PCDHGA1: variants seen among roughly 807,000 people sequenced by gnomAD.
The protein encoded by PCDHGA1 is protocadherin gamma-A1.
A neutral mutation model predicts 58.0 loss-of-function variants in PCDHGA1; 32 were observed. The observed-to-expected ratio is 0.55, with a 90% CI of 0.42 to 0.74. The LOEUF (loss-of-function observed/expected upper bound fraction) is 0.74. PCDHGA1 is among the 30% of genes least tolerant of loss of function. The pLI, the probability that PCDHGA1 is intolerant of heterozygous loss-of-function variation, is 0.00. For synonymous variants in PCDHGA1, 498 were observed against 501.1 expected, an observed-to-expected ratio of 0.99 and a Z score of 0.08; for missense variants, 1,205 against 1,182.3, an observed-to-expected ratio of 1.02 and a Z score of -0.28.
At chr5:141,353,268 T>C (rs1759232072) in intron 1 of PCDHGA1, among the ~76,000 whole-genome samples, 1 of 152,236 alleles carries the variant, frequency 6.6e-6, no homozygotes, top group Non-Finnish European at 1.5e-5. Flanking sequence ...TGCAATACTA[T>C]ATTTTCAAGT....
chr5:141,512,942 C>T lies in PCDHGA1; in HGVS notation c.*1769C>T, dbSNP rs1596321854. 3.3e-5 allele frequency: 5 copies of T among 151,644 alleles called. No individual in the cohort carries two copies. The South Asian group carries it at 1.0e-3, about 32-fold the overall frequency. The allele number at this position is 151,644 out of a possible 1,614,324, so 9.4% of individuals were successfully genotyped here. On this transcript the variant is annotated 3_prime_UTR_variant, in exon 4 of 4. Transcript: ENST00000517417. Reference sequence around the variant, plus strand: ...TAATATTTATATGGCTTTTTTTCTTCGACAAAAAAATAATAAAACGTTTCT... The same window carrying T: ...TAATATTTATATGGCTTTTTTTCTTTGACAAAAAAATAATAAAACGTTTCT...
chr5:141,362,282 G>C lies in PCDHGA1; in HGVS notation c.2421+29177G>C, dbSNP rs750712376. The C allele has an allele frequency of 2.5e-6, 4 of 1,613,920 alleles. No homozygotes were observed. In the East Asian group the frequency reaches 8.9e-5, roughly 36 times the overall value. ...ATTCTGGCAATCTCCCTGCGCCTGC[G>C]ACTCTCTTCCAGGTCAGATGCTTGG... On this transcript the variant is annotated intron_variant, in intron 1 of 3. Transcript: ENST00000517417.
At chr5:141,340,334 A>C in intron 1 of PCDHGA1, 1 of 1,614,060 alleles carries the variant, frequency 6.2e-7, no homozygotes, top group Non-Finnish European at 8.5e-7. Flanking sequence ...CTTCTCCCGC[A>C]CATCCTACTC....
At chr5:141,422,038 G>A (rs949164524) in intron 1 of PCDHGA1, 9 of 1,611,746 alleles carry the variant, frequency 5.6e-6, no homozygotes, top group Non-Finnish European at 7.6e-6. Context: ...AACGGATCCA[G>A]ACGAGGGAAT....
At chr5:141,359,259 T>C (rs1761158931) in intron 1 of PCDHGA1, among the ~76,000 whole-genome samples, 1 of 152,094 alleles carries the variant, frequency 6.6e-6, no homozygotes, top group African/African-American at 2.4e-5. Flanking sequence ...CCATAAAATA[T>C]AATTTGGAAA....
rs151119016 is a variant in PCDHGA1, at chr5:141,489,949, G to C, written c.2422-4858G>C. On this transcript the variant is annotated intron_variant, in intron 1 of 3. Transcript: ENST00000517417. The surrounding 1 kb of genome is among the most constrained non-coding windows in gnomAD (Gnocchi z 4.5). ...CTCTGTCATCGTGCTGGACATCAAT[G>C]ATAATGCTCCAACCTTCCAATCCTC... is the stretch of plus-strand genomic sequence containing the variant. 1 of 1,614,198 alleles carries C rather than the reference G, an allele frequency of 6.2e-7. No individual in the cohort carries two copies. Among genetic ancestry groups the C allele is most frequent in the Non-Finnish European group, 8.5e-7 (1 of 1,180,028 alleles).
intron 2 of PCDHGA1, among the ~76,000 whole-genome samples, chr5:141,500,184 T>TTTTATTTATTTATTTA (rs58019021): frequency 1.5e-5 from 2 of 135,886 alleles, no homozygotes; most frequent in African/African-American, 5.4e-5. Flanking sequence ...TCATTTTTAT[T>TTTTATTTATTTATTTA]TTTATTTATT....
intron 1 of PCDHGA1, chr5:141,421,165 T>C: frequency 7.7e-7 from 1 of 1,297,018 alleles, no homozygotes; most frequent in Non-Finnish European, 1.0e-6. Flanking sequence ...ACTTCATAGA[T>C]ACATAAGCCG....
Position 141,375,262 on chromosome 5 carries a change from A to C in PCDHGA1, c.2421+42157A>C, listed in dbSNP as rs781354981. The C allele has an allele frequency of 3.1e-6, 5 of 1,613,914 alleles. No individual in the cohort carries two copies. In the South Asian group the frequency reaches 5.5e-5, roughly 18 times the overall value. On this transcript the variant is annotated intron_variant, in intron 1 of 3. Coordinates refer to ENST00000517417, the MANE Select transcript of PCDHGA1 (RefSeq NM_018912.3). Reference sequence around the variant, plus strand: ...CCATCCCGAGAAGTCTCCCATTTGAATTGGAAAAATCAGTTGGCAATTATT... The same window carrying C: ...CCATCCCGAGAAGTCTCCCATTTGACTTGGAAAAATCAGTTGGCAATTATT...
At position 141,489,783 on chromosome 5, in the gene PCDHGA1, T is replaced by C; in HGVS notation, c.2422-5024T>C. The C allele has an allele frequency of 6.2e-7, 1 of 1,614,164 alleles. No individual in the cohort carries two copies. On this transcript the variant is annotated intron_variant, in intron 1 of 3. Transcript: ENST00000517417. The surrounding 1 kb of genome is among the most constrained non-coding windows in gnomAD (Gnocchi z 4.5). ...GCCCCAACAGCCACTTCTCTCTGAA[T>C]GTGAAGACCCTAAAAGATGGGAAGC... is the stretch of plus-strand genomic sequence containing the variant.
rs1340590903 is a variant in PCDHGA1, at chr5:141,432,842, G to A, written c.2422-61965G>A. On this transcript the variant is annotated intron_variant, in intron 1 of 3. Coordinates refer to ENST00000517417, the MANE Select transcript of PCDHGA1 (RefSeq NM_018912.3). This position sits in a 1 kb window ranked among gnomAD's most constrained non-coding sequence, Gnocchi z 6.0. ...CTCAGACCTCACTCTGTACCTGGTG[G>A]TAGCGGTGGCCGCGGTCTCCTGCGT... 5 of 1,614,192 alleles carry A rather than the reference G, an allele frequency of 3.1e-6. No individual in the cohort carries two copies. The South Asian group carries it at 4.4e-5, about 14-fold the overall frequency.
chr5:141,378,181 C>G (rs183481155), intron 1 of PCDHGA1: 2 of 152,302 alleles, frequency 1.3e-5, no homozygotes, highest in Admixed American at 6.5e-5. Flanking sequence ...AGCACCGATG[C>G]TGTGTGCCTA....
intron 1 of PCDHGA1, chr5:141,427,328 T>G (rs951396612): frequency 1.6e-4 from 74 of 457,122 alleles, no homozygotes; most frequent in Admixed American, 1.2e-3. Context: ...TGGTTTTTAC[T>G]TCAGTGTCCA....
Position 141,490,202 on chromosome 5 carries a change from G to A in PCDHGA1, c.2422-4605G>A, listed in dbSNP as rs1594889134. On this transcript the variant is annotated intron_variant, in intron 1 of 3. Coordinates refer to ENST00000517417, the MANE Select transcript of PCDHGA1 (RefSeq NM_018912.3). The surrounding 1 kb of genome is among the most constrained non-coding windows in gnomAD (Gnocchi z 5.4). ...TCACGTTTCTATGAAATTCATGCAA[G>A]AGCCCGTGACCAGGGACAGCCTGCC... 1.2e-6 allele frequency: 2 copies of A among 1,614,220 alleles called. No homozygotes were observed. The highest frequency in any genetic ancestry group is 2.7e-5 in the African/African-American group (2 of 75,060).
At chr5:141,365,475 T>TG in intron 1 of PCDHGA1, 2 of 1,613,978 alleles carry the variant, frequency 1.2e-6, no homozygotes, top group Non-Finnish European at 8.5e-7. Context: ...AATGGTGAGA[T>TG]TGCATGCTCT....
chr5:141,398,803 A>C (rs551301850), intron 1 of PCDHGA1: 2 of 1,613,960 alleles, frequency 1.2e-6, no homozygotes, highest in African/African-American at 2.7e-5. Context: ...AAGCGGCACC[A>C]CTGAGCTCCG....
chr5:141,476,049 C>T lies in PCDHGA1; in HGVS notation c.2422-18758C>T. 2.0e-6 allele frequency: 3 copies of T among 1,501,848 alleles called. No homozygotes were observed. The South Asian group carries it at 4.0e-5, about 20-fold the overall frequency. 93.0% of individuals were successfully genotyped at this position (1,501,848 alleles called of 1,614,324 possible). ...CGCCCAGCGCCCAAGCGCTAACCCG[C>T]TGAAAGTTTCTCAGCGAAATCTCAG... On this transcript the variant is annotated intron_variant, in intron 1 of 3. Coordinates refer to ENST00000517417, the MANE Select transcript of PCDHGA1 (RefSeq NM_018912.3). This position sits in a 1 kb window ranked among gnomAD's most constrained non-coding sequence, Gnocchi z 7.6.
At chr5:141,363,192 A>T (rs1762836120) in intron 1 of PCDHGA1, among the ~76,000 whole-genome samples, 1 of 152,264 alleles carries the variant, frequency 6.6e-6, no homozygotes, top group Non-Finnish European at 1.5e-5. Context: ...ATTGCTCTTA[A>T]GAAAAACTAC....
chr5:141,388,662 A>G, intron 1 of PCDHGA1: 1 of 1,613,954 alleles, frequency 6.2e-7, no homozygotes, highest in African/African-American at 1.3e-5. Flanking sequence ...CCCGGGGACC[A>G]CGGTGCTACA....
Sources: gnomAD v4.1 joint callset for allele counts (sites outside exome capture counted in the v4.1 genomes callset) on GRCh38, gnomAD v4.1.1 for gene constraint, Gnocchi (gnomAD v3.1) non-coding constraint, MANE v1.5 for transcripts, NCBI Gene and HGNC (gene_info 2026-07-23, HGNC 2026-07-21) for gene names.